The following VPS41 variants were observed in gnomAD, a reference collection of about 807,000 sequenced individuals.
VPS41 encodes VPS41 subunit of HOPS complex, also known as vacuolar protein sorting-associated protein 41 homolog.
VPS41 carries 85 observed loss-of-function variants against 130.9 expected under a neutral mutation model. The ratio of observed to expected loss-of-function variants is 0.65; its 90% confidence interval spans 0.55 to 0.78. The LOEUF is 0.78. VPS41 is among the 30% of genes least tolerant of loss of function. The pLI, the probability that VPS41 is intolerant of heterozygous loss-of-function variation, is 0.00. For missense variants in VPS41, 874 were observed against 1,018.7 expected (o/e 0.86, Z 1.93); for synonymous variants, 335 against 332.9 (o/e 1.01, Z -0.07).
intron 2 of VPS41, among the ~76,000 whole-genome samples, chr7:38,879,227 G>T (rs1289048758): frequency 6.6e-6 from 1 of 152,274 alleles, no homozygotes; most frequent in East Asian, 1.9e-4. Flanking sequence ...AAGGAAAGCT[G>T]GTAGATCCAG....
intron 4 of VPS41, among the ~76,000 whole-genome samples, chr7:38,854,937 G>A (rs1244364965): frequency 2.0e-5 from 3 of 151,690 alleles, no homozygotes; most frequent in African/African-American, 4.8e-5. Flanking sequence ...TGGGCCAGGC[G>A]TGGTGGCTCA....
intron 7 of VPS41, among the ~76,000 whole-genome samples, chr7:38,807,677 A>C (rs1295996233): frequency 6.6e-6 from 1 of 152,168 alleles, no homozygotes; most frequent in Non-Finnish European, 1.5e-5. Context: ...CAAACCAAAT[A>C]CTCCTGTGAA....
intron 24 of VPS41, 107 bp from the exon 25 acceptor site, chr7:38,742,228 G>A: frequency 2.8e-6 from 3 of 1,072,182 alleles, no homozygotes; most frequent in Non-Finnish European, 3.9e-6. Context: ...GTAACTCAAA[G>A]AAAAAATTAT....
chr7:38,855,130 A>C (rs1314156738), intron 4 of VPS41, among the ~76,000 whole-genome samples: 2 of 150,408 alleles, frequency 1.3e-5, no homozygotes, highest in African/African-American at 4.9e-5. Context: ...GAATCACTTG[A>C]ACCTGGGCGG....
Position 38,781,425 on chromosome 7 carries a change from G to A in VPS41, c.785-4649C>T, listed in dbSNP as rs144959175. On this transcript the variant is annotated intron_variant, in intron 10 of 28. Coordinates refer to ENST00000310301, the MANE Select transcript of VPS41 (RefSeq NM_014396.4). ...TAATTTCATTAGAACATATCTTGGT[G>A]TTGCTCATTATGGGTCACTATTTTC... Among the ~76,000 whole-genome samples the A allele has an allele frequency of 4.5e-3, 689 of 152,246 alleles. 4 individuals are homozygous for A. Among genetic ancestry groups the A allele is most frequent in the African/African-American group, 0.016 (663 of 41,556 alleles).
chr7:38,728,455 T>A (rs1795591355), intron 27 of VPS41, 87 bp downstream of exon 27: 1 of 1,386,070 alleles, frequency 7.2e-7, no homozygotes, highest in Non-Finnish European at 1.0e-6. Flanking sequence ...TATAGTTTTA[T>A]AAACGGTAGT....
At chr7:38,816,352 TACA>T (rs1327424335) in intron 7 of VPS41, among the ~76,000 whole-genome samples, 5 of 152,168 alleles carry the variant, frequency 3.3e-5, no homozygotes, top group South Asian at 2.1e-4. Flanking sequence ...TGCCACTCAT[TACA>T]ACGAGTCATG....
intron 7 of VPS41, among the ~76,000 whole-genome samples, chr7:38,809,439 A>G: frequency 6.6e-6 from 1 of 150,994 alleles, no homozygotes; most frequent in East Asian, 1.9e-4. Context: ...AACATGGGCA[A>G]AAGAAATAAA....
At chr7:38,862,492 C>CAA (rs1329777092) in intron 4 of VPS41, 53 bp downstream of exon 4, 1 of 1,165,082 alleles carries the variant, frequency 8.6e-7, no homozygotes, top group African/African-American at 1.6e-5. Flanking sequence ...TTCTAAAACA[C>CAA]AAATACTTAA....
chr7:38,811,060 T>C (rs1477135861), intron 7 of VPS41, among the ~76,000 whole-genome samples: 1 of 152,162 alleles, frequency 6.6e-6, no homozygotes, highest in East Asian at 1.9e-4. Context: ...ACTTTCAAAA[T>C]GAAAGTGATC....
intron 1 of VPS41, among the ~76,000 whole-genome samples, chr7:38,902,323 C>A (rs1325105041): frequency 6.6e-6 from 1 of 152,156 alleles, no homozygotes; most frequent in Non-Finnish European, 1.5e-5. Flanking sequence ...AGCCTCACTC[C>A]CCACTCTCTC....
chr7:38,778,827 G>C (rs1299072771), intron 10 of VPS41, among the ~76,000 whole-genome samples: 1 of 152,172 alleles, frequency 6.6e-6, no homozygotes, highest in Non-Finnish European at 1.5e-5. Context: ...CTCACTGACA[G>C]ACACTGTCAG....
At chr7:38,887,090 AG>A (rs1786749276) in intron 2 of VPS41, among the ~76,000 whole-genome samples, 1 of 152,228 alleles carries the variant, frequency 6.6e-6, no homozygotes, top group Non-Finnish European at 1.5e-5. Flanking sequence ...GCAGAAAGGC[AG>A]AAAATTCTAA....
intron 4 of VPS41, among the ~76,000 whole-genome samples, chr7:38,857,724 C>T (rs1270554410): frequency 6.6e-6 from 1 of 152,134 alleles, no homozygotes; most frequent in Admixed American, 6.5e-5. Context: ...TTATTCTGAG[C>T]CAAATGTAAG....
At chr7:38,745,736 C>T in intron 22 of VPS41, 123 bp from the exon 23 acceptor site, 2 of 777,020 alleles carry the variant, frequency 2.6e-6, no homozygotes, top group Non-Finnish European at 4.4e-6. Flanking sequence ...TAAAACAAAG[C>T]AAACAAATAA....
At position 38,855,883 on chromosome 7, in the gene VPS41, A is replaced by G. The variant is rs149212875; in HGVS notation, c.246+6662T>C. Among the ~76,000 whole-genome samples the G allele has an allele frequency of 4.9e-3, 754 of 152,338 alleles. 7 individuals carry two copies. Among genetic ancestry groups the G allele is most frequent in the African/African-American group, 0.016 (678 of 41,568 alleles). ...AAGTAAGATTTAAGACTCTGATCTTATATTAGTCAGCTTGAACTGCCATAA... is the reference window on the plus strand; with the variant it reads ...AAGTAAGATTTAAGACTCTGATCTTGTATTAGTCAGCTTGAACTGCCATAA... On this transcript the variant is annotated intron_variant, in intron 4 of 28. Transcript: ENST00000310301.
intron 7 of VPS41, among the ~76,000 whole-genome samples, chr7:38,809,715 G>A (rs879918920): frequency 2.0e-5 from 3 of 151,952 alleles, no homozygotes; most frequent in East Asian, 1.9e-4. Context: ...TTGCCCCTGC[G>A]GCCAGGTCCC....
rs529297697 is a variant in VPS41, at chr7:38,791,061, G to A, written c.718-1194C>T. Among the ~76,000 whole-genome samples, 6 of 152,266 alleles carry A rather than the reference G, an allele frequency of 3.9e-5. No homozygotes were observed. The East Asian group carries it at 5.8e-4, about 15-fold the overall frequency. On this transcript the variant is annotated intron_variant, in intron 9 of 28. Transcript: ENST00000310301. ...GCAGAGTGCCCACTTTCCCTCAGGCGGGGCTTGAACCCATGGCTGCAGAGG... is the reference window on the plus strand; with the variant it reads ...GCAGAGTGCCCACTTTCCCTCAGGCAGGGCTTGAACCCATGGCTGCAGAGG...
chr7:38,869,629 T>C (rs1786305333), intron 2 of VPS41, among the ~76,000 whole-genome samples: 1 of 152,184 alleles, frequency 6.6e-6, no homozygotes, highest in Non-Finnish European at 1.5e-5. Context: ...AGGAGAGTTG[T>C]AAAAATTATT....
Sources: gnomAD v4.1 joint callset for allele counts (sites outside exome capture counted in the v4.1 genomes callset) on GRCh38, gnomAD v4.1.1 for gene constraint, MANE v1.5 for transcripts, NCBI Gene and HGNC (gene_info 2026-07-23, HGNC 2026-07-21) for gene names.